CDC42BPA: variants seen among roughly 807,000 people sequenced by gnomAD.
The protein encoded by CDC42BPA is CDC42 binding protein kinase alpha, also known as serine/threonine-protein kinase MRCK alpha.
Under a neutral mutation model 223.5 loss-of-function variants are expected in CDC42BPA, and 80 were observed. That is an observed-to-expected ratio of 0.36 (90% CI 0.30 to 0.43). The LOEUF (loss-of-function observed/expected upper bound fraction) is 0.43. Ranked by LOEUF, CDC42BPA falls within the 20% of genes least tolerant of loss-of-function variation. The pLI is 1.00. For synonymous variants in CDC42BPA, 694 were observed against 718.6 expected, an observed-to-expected ratio of 0.97 and a Z score of 0.55; for missense variants, 1,743 against 2,099.9, an observed-to-expected ratio of 0.83 and a Z score of 3.32.
intron 5 of CDC42BPA, among the ~76,000 whole-genome samples, chr1:227,184,010 T>A (rs1165536244): frequency 6.6e-6 from 1 of 152,158 alleles, no homozygotes; most frequent in East Asian, 1.9e-4. Context: ...TTGGGTGAAA[T>A]GTCTATTGTC....
intron 1 of CDC42BPA, among the ~76,000 whole-genome samples, chr1:227,277,749 TTTTG>T (rs777939847): frequency 5.1e-4 from 76 of 150,148 alleles, no homozygotes; most frequent in Non-Finnish European, 6.3e-4. Context: ...TGGATAAAAC[TTTTG>T]TTTGTTTGTT....
intron 10 of CDC42BPA, among the ~76,000 whole-genome samples, 198 bp downstream of exon 10, chr1:227,139,378 C>G (rs1425107202): frequency 6.6e-6 from 1 of 152,064 alleles, no homozygotes; most frequent in African/African-American, 2.4e-5. Context: ...GAGACCAAAG[C>G]TATTTTGTTG....
intron 14 of CDC42BPA, among the ~76,000 whole-genome samples, chr1:227,107,449 C>T (rs1686124947): frequency 1.3e-5 from 2 of 152,134 alleles, no homozygotes; most frequent in African/African-American, 4.8e-5. Flanking sequence ...GAGACAGGGT[C>T]TCACTCTGTC....
chr1:227,104,767 A>G (rs1193050872), intron 14 of CDC42BPA, among the ~76,000 whole-genome samples: 1 of 152,172 alleles, frequency 6.6e-6, no homozygotes, highest in Admixed American at 6.6e-5. Context: ...CCATGTGAAC[A>G]TGAAAGCAGA....
chr1:227,060,020 G>GTTTTTTT (rs143944932), intron 21 of CDC42BPA, among the ~76,000 whole-genome samples: 6 of 94,190 alleles, frequency 6.4e-5, no homozygotes, highest in East Asian at 3.7e-4. Context: ...ATCTCAAAAA[G>GTTTTTTT]TTTTTTTTTG....
chr1:227,096,905 G>A (rs1684106713), intron 15 of CDC42BPA, among the ~76,000 whole-genome samples: 1 of 152,120 alleles, frequency 6.6e-6, no homozygotes, highest in Non-Finnish European at 1.5e-5. Context: ...CCACAAAGAT[G>A]TCTTCCAAGC....
chr1:227,170,248 A>G (rs555423933), intron 5 of CDC42BPA, among the ~76,000 whole-genome samples: 2 of 152,258 alleles, frequency 1.3e-5, no homozygotes, highest in South Asian at 4.1e-4. Context: ...AAGAAAGTCA[A>G]GCAGCCCACA....
intron 15 of CDC42BPA, among the ~76,000 whole-genome samples, chr1:227,095,022 A>G (rs1295849594): frequency 6.6e-6 from 1 of 152,236 alleles, no homozygotes; most frequent in Non-Finnish European, 1.5e-5. Context: ...TGCAAATGAC[A>G]GCAGAAAATG....
At chr1:227,152,215 G>A (rs1661913368) in intron 6 of CDC42BPA, among the ~76,000 whole-genome samples, 2 of 152,110 alleles carry the variant, frequency 1.3e-5, no homozygotes, top group African/African-American at 4.8e-5. Context: ...ATGTACAGAA[G>A]TTTTAATGGA....
At chr1:227,108,260 A>G (rs1469327441) in intron 14 of CDC42BPA, among the ~76,000 whole-genome samples, 1 of 152,142 alleles carries the variant, frequency 6.6e-6, no homozygotes, top group South Asian at 2.1e-4. Context: ...TTCTCTCTTG[A>G]GCACTGCCTT....
At chr1:227,250,623 AGT>A (rs372698370) in intron 2 of CDC42BPA, among the ~76,000 whole-genome samples, 94 of 151,104 alleles carry the variant, frequency 6.2e-4, no homozygotes, top group African/African-American at 2.0e-3. Flanking sequence ...TTGAAACTGA[AGT>A]GTGTGTGTGT....
intron 3 of CDC42BPA, among the ~76,000 whole-genome samples, chr1:227,208,788 G>A (rs1425047634): frequency 2.6e-5 from 4 of 152,286 alleles, no homozygotes; most frequent in East Asian, 1.9e-4. Flanking sequence ...GTCAGGCAGT[G>A]TGATGCCTCC....
chr1:227,184,553 C>T (rs543524642), intron 5 of CDC42BPA, among the ~76,000 whole-genome samples: 6 of 152,132 alleles, frequency 3.9e-5, no homozygotes, highest in Non-Finnish European at 8.8e-5. Flanking sequence ...ATCTCATGGT[C>T]CTGCTTAAGG....
intron 21 of CDC42BPA, chr1:227,069,187 T>C (rs1677742593): frequency 6.6e-6 from 1 of 152,132 alleles, no homozygotes; most frequent in Non-Finnish European, 1.5e-5. Context: ...ATAATCACAC[T>C]TAAATTTACT....
chr1:227,173,220 T>C (rs1666393999), intron 5 of CDC42BPA, among the ~76,000 whole-genome samples: 1 of 152,182 alleles, frequency 6.6e-6, no homozygotes, highest in African/African-American at 2.4e-5. Flanking sequence ...ACCGATACTA[T>C]TGCTGTATCT....
chr1:227,229,216 A>G (rs948812571), intron 2 of CDC42BPA, among the ~76,000 whole-genome samples: 1 of 152,148 alleles, frequency 6.6e-6, no homozygotes, highest in Non-Finnish European at 1.5e-5. Context: ...GTAGAGTCCA[A>G]CTTCATTCTT....
chr1:227,039,457 T>TA (rs1670935166), intron 24 of CDC42BPA, among the ~76,000 whole-genome samples: 1 of 152,294 alleles, frequency 6.6e-6, no homozygotes, highest in East Asian at 1.9e-4. Flanking sequence ...CTGAAACATT[T>TA]AAAAAAATAT....
intron 2 of CDC42BPA, among the ~76,000 whole-genome samples, chr1:227,232,032 C>T (rs1485269859): frequency 3.3e-5 from 5 of 152,054 alleles, no homozygotes; most frequent in Admixed American, 2.0e-4. Flanking sequence ...CATTGCTTTT[C>T]GTGTTTTAGT....
intron 11 of CDC42BPA, among the ~76,000 whole-genome samples, chr1:227,123,761 G>A (rs1472834225): frequency 6.6e-5 from 10 of 152,078 alleles, no homozygotes; most frequent in Non-Finnish European, 1.2e-4. Context: ...TCTGAGATGC[G>A]AAGAAACTTT....
Sources: allele counts gnomAD v4.1 joint callset (sites outside exome capture counted in the v4.1 genomes callset), GRCh38; gene constraint gnomAD v4.1.1; transcripts MANE v1.5; gene names NCBI Gene and HGNC (gene_info 2026-07-23, HGNC 2026-07-21).